MLLT6: variants seen among roughly 807,000 people sequenced by gnomAD.
The protein encoded by MLLT6 is protein AF-17.
MLLT6 carries 22 observed loss-of-function variants against 103.0 expected under a neutral mutation model. The ratio of observed to expected loss-of-function variants is 0.21; its 90% CI spans 0.15 to 0.31. The LOEUF (loss-of-function observed/expected upper bound fraction) is 0.31. Ranked by LOEUF, MLLT6 falls within the 10% of genes least tolerant of loss-of-function variation. MLLT6 has a pLI of 1.00. For synonymous variants in MLLT6, 606 were observed against 623.5 expected, an observed-to-expected ratio of 0.97 and a Z score of 0.42; for missense variants, 1,199 against 1,441.7, an observed-to-expected ratio of 0.83 and a Z score of 2.73.
At position 38,705,290 on chromosome 17, in the gene MLLT6, C is replaced by G. The variant is rs1007411058; in HGVS notation, c.-343C>G. Among the ~76,000 whole-genome samples the G allele has an allele frequency of 3.4e-5, 5 of 145,314 alleles. No individual in the cohort carries two copies. Among genetic ancestry groups the G allele is most frequent in the Admixed American group, 6.8e-5 (1 of 14,758 alleles). ...CGCGATGTGCCACTCGGCGCCTCCC[C>G]CGCCGGGCTCGGGCTACGCGGCGGC... On this transcript the variant is annotated 5_prime_UTR_variant, in exon 1 of 20. Transcript: ENST00000621332.
rs746540435 is a variant in MLLT6, at chr17:38,715,878, C to T, written c.1036+50C>T. 6.7e-6 allele frequency: 10 copies of T among 1,493,270 alleles called. No homozygotes were observed. In the African/African-American group the frequency reaches 1.4e-4, roughly 21 times the overall value. 92.5% of individuals were successfully genotyped at this position (1,493,270 alleles called of 1,614,324 possible). ...GCTGGGAGCAGGGAAAGCCTTTTGT[C>T]CTGAGCTTTTCTGGCAAGGGACTTT... On this transcript the variant is annotated intron_variant, in intron 9 of 19. Coordinates refer to ENST00000621332, the MANE Select transcript of MLLT6 (RefSeq NM_005937.4).
chr17:38,707,306 T>C (rs1170163197), intron 2 of MLLT6, among the ~76,000 whole-genome samples, 180 bp from the exon 3 acceptor site: 1 of 152,216 alleles, frequency 6.6e-6, no homozygotes, highest in Non-Finnish European at 1.5e-5. Flanking sequence ...AAAACTATAA[T>C]GAATCTCATG....
In MLLT6 at chr17:38,729,276, G is replaced by T; in HGVS notation, c.*3678G>T. The T allele has an allele frequency of 4.3e-6, 1 of 233,258 alleles. No individual in the cohort carries two copies. The highest frequency in any genetic ancestry group is 8.5e-6 in the Non-Finnish European group (1 of 118,054). 14.4% of individuals were successfully genotyped at this position (233,258 alleles called of 1,614,324 possible). On this transcript the variant is annotated 3_prime_UTR_variant, in exon 20 of 20. Coordinates refer to ENST00000621332, the MANE Select transcript of MLLT6 (RefSeq NM_005937.4). ...TCTCAACTTATTTTCCTGGGGAGAG[G>T]TGCCTAGAGGGATTGAGGTAACTTC... is the stretch of plus-strand genomic sequence containing the variant.
In MLLT6 at chr17:38,719,736, C is replaced by T; in HGVS notation, c.2010-14C>T. The T allele has an allele frequency of 6.2e-7, 1 of 1,603,478 alleles. No individual in the cohort carries two copies. Among genetic ancestry groups the T allele is most frequent in the South Asian group, 1.1e-5 (1 of 90,438 alleles). Reference sequence around the variant, plus strand: ...TGGTCGGGTCGACTGAACCCAGGTTCCCTCTGGCCGCAGGTCCCCCATCAG... The same window carrying T: ...TGGTCGGGTCGACTGAACCCAGGTTTCCTCTGGCCGCAGGTCCCCCATCAG... On this transcript the variant is annotated splice_polypyrimidine_tract_variant and intron_variant, in intron 13 of 19. Transcript: ENST00000621332.
chr17:38,705,309 C>T lies in MLLT6; in HGVS notation c.-324C>T, dbSNP rs1383274346. Among the ~76,000 whole-genome samples the T allele has an allele frequency of 6.9e-5, 10 of 145,060 alleles. No homozygotes were observed. Among genetic ancestry groups the T allele is most frequent in the Non-Finnish European group, 1.2e-4 (8 of 65,590 alleles). On this transcript the variant is annotated 5_prime_UTR_variant, in exon 1 of 20. Transcript: ENST00000621332. The stretch of plus-strand genomic sequence containing the variant: ...CCTCCCCCGCCGGGCTCGGGCTACG[C>T]GGCGGCGGGGCGGCCCTAGGAGCCG...
rs1489821246 is a variant in MLLT6, at chr17:38,705,760, G to A, written c.109+19G>A. The A allele has an allele frequency of 1.5e-6, 2 of 1,295,450 alleles. No individual in the cohort carries two copies. Among genetic ancestry groups the A allele is most frequent in the South Asian group, 2.3e-5 (1 of 43,090 alleles). The allele number at this position is 1,295,450 out of a possible 1,614,324, so 80.2% of individuals were successfully genotyped here. On this transcript the variant is annotated intron_variant, in intron 1 of 19. Transcript: ENST00000621332. ...CACCAAGGTACGGGGGTGGCCCGCG[G>A]GGGGCGGCGGGACCCCGGGGGCGGC...
rs1390453938 is a variant in MLLT6 at position 38,728,923 on chromosome 17, T to G, written c.*3325T>G. 3 of 233,796 alleles carry G rather than the reference T, an allele frequency of 1.3e-5. No individual in the cohort carries two copies. In the Admixed American group the frequency reaches 1.7e-4, roughly 13 times the overall value. 14.5% of individuals were successfully genotyped at this position (233,796 alleles called of 1,614,324 possible). ...TGTCTTGGTTTGTTTTTCCTATTTG[T>G]GGGGTATTTTCCCCCTCAGGCTCCT... On this transcript the variant is annotated 3_prime_UTR_variant, in exon 20 of 20. Coordinates refer to ENST00000621332, the MANE Select transcript of MLLT6 (RefSeq NM_005937.4).
rs1906155423 is a variant in MLLT6 at position 38,728,512 on chromosome 17, C to T, written c.*2914C>T. On this transcript the variant is annotated 3_prime_UTR_variant, in exon 20 of 20. Transcript: ENST00000621332. ...GGTGAGCATGTGGAGTTGGGTGTTC[C>T]CACCCTCAGTGAGGAGGTGTGAGTG... 1.3e-5 allele frequency: 3 copies of T among 233,496 alleles called. No individual in the cohort carries two copies. The East Asian group carries it at 1.8e-4, about 14-fold the overall frequency. The allele number at this position is 233,496 out of a possible 1,614,324, so 14.5% of individuals were successfully genotyped here.
chr17:38,721,033 G>T (rs979717377), intron 16 of MLLT6: 9 of 526,744 alleles, frequency 1.7e-5, no homozygotes, highest in African/African-American at 1.5e-4. Context: ...TTAGTGTGGA[G>T]AGAAATTGAG....
chr17:38,715,761 T>G lies in MLLT6; in HGVS notation c.969T>G (p.Ser323Arg), dbSNP rs1419494111. ...TGAGCAGTGGGAAAGGTGTGAGCAG[T>G]TTTACCTCCGCCTCCTCTTCTTCCT... is the stretch of plus-strand genomic sequence containing the variant. ...KKLSSGKGVS[S>R]FTSASSSSSS... is the part of the protein sequence containing the mutation. Residue 323 changes from serine to arginine, a missense_variant, in exon 9 of 20, where the codon AGT becomes AGG. This residue lies in a region of MLLT6 where 1,034 missense variants were observed against 1,091.5 expected (regional missense o/e 0.95). Coordinates refer to ENST00000621332, the MANE Select transcript of MLLT6 (RefSeq NM_005937.4). 6.2e-7 allele frequency: 1 copy of G among 1,613,682 alleles called. No individual in the cohort carries two copies. The highest frequency in any genetic ancestry group is 8.5e-7 in the Non-Finnish European group (1 of 1,179,884).
chr17:38,711,870 G>C lies in MLLT6; in HGVS notation c.576G>C (p.Gly192=), dbSNP rs200178596. 6.3e-7 allele frequency: 1 copy of C among 1,587,934 alleles called. No individual in the cohort carries two copies. The highest frequency in any genetic ancestry group is 1.3e-5 in the African/African-American group (1 of 74,208). ...SKMKTSRHSS[G]GGGGGAGGGG... ...AGAAGACATCCCGGCACAGCAGCGG[G>C]GGAGGCGGAGGAGGCGCTGGAGGAG... Residue 192 remains glycine (G), a synonymous_variant, in exon 7 of 20, where the codon GGG becomes GGC. Transcript: ENST00000621332.
At chr17:38,713,062 T>C (rs1905198901) in intron 8 of MLLT6, 1 of 771,494 alleles carries the variant, frequency 1.3e-6, no homozygotes, top group Non-Finnish European at 2.4e-6. Flanking sequence ...CCTGGGCTCT[T>C]GTCTGCAGAG....
rs558938356 is a variant in MLLT6, at chr17:38,725,811, T to C, written c.*213T>C. 2.2e-3 allele frequency: 1,148 copies of C among 514,686 alleles called. 2 individuals carry two copies. The highest frequency in any genetic ancestry group is 3.5e-3 in the Non-Finnish European group (1,039 of 296,812). The allele number at this position is 514,686 out of a possible 1,614,324, so 31.9% of individuals were successfully genotyped here. A position where few individuals can be genotyped will look rare whatever the true frequency, so the allele number is the denominator to read the frequency against. ...CTGGCCCCCTTCCCTTTCCGCACTG[T>C]CCGCTTTGTGAGGCTCAGAGGAAGG... On this transcript the variant is annotated 3_prime_UTR_variant, in exon 20 of 20. Transcript: ENST00000621332.
rs1384094821 is a variant in MLLT6, at chr17:38,716,010, C to T, written c.1036+182C>T. 1.6e-6 allele frequency: 1 copy of T among 642,638 alleles called. No homozygotes were observed. The highest frequency in any genetic ancestry group is 2.7e-6 in the Non-Finnish European group (1 of 373,590). 39.8% of individuals were successfully genotyped at this position (642,638 alleles called of 1,614,324 possible). ...CAAACCCTTCCTTCTTGAACCAGAA[C>T]TCTCCTCTCCCCTTCAGGGGCCACC... On this transcript the variant is annotated intron_variant, in intron 9 of 19. Coordinates refer to ENST00000621332, the MANE Select transcript of MLLT6 (RefSeq NM_005937.4). The surrounding 1 kb of genome is among the most constrained non-coding windows in gnomAD (Gnocchi z 5.6).
intron 1 of MLLT6, 62 bp downstream of exon 1, chr17:38,705,803 G>A (rs1420505278): frequency 2.8e-6 from 2 of 704,612 alleles, no homozygotes; most frequent in East Asian, 4.1e-5. Context: ...GGGCGCCCCC[G>A]GCCGCGCCCT....
chr17:38,717,368 C>A (rs986527239), intron 10 of MLLT6, 64 bp from the exon 11 acceptor site: 64 of 1,365,708 alleles, frequency 4.7e-5, no homozygotes, highest in Middle Eastern at 1.9e-4. Flanking sequence ...TGTCAGCCAC[C>A]TGGCTGAGCA....
At position 38,720,479 on chromosome 17, in the gene MLLT6, G is replaced by T. The variant is rs140079089; in HGVS notation, c.2263G>T (p.Val755Leu). The T allele has an allele frequency of 6.2e-7, 1 of 1,612,774 alleles. No homozygotes were observed. Among genetic ancestry groups the T allele is most frequent in the Non-Finnish European group, 8.5e-7 (1 of 1,179,940 alleles). Residue 755 changes from valine (V) to leucine (L), a missense_variant, in exon 15 of 20, where the codon GTG becomes TTG. Coordinates refer to ENST00000621332, the MANE Select transcript of MLLT6 (RefSeq NM_005937.4). ...AKKERLQILN[V>L]QLSVPFPALP... ...AAAGGAGCGGCTGCAGATTCTCAAC[G>T]TGCAGCTCTCTGTGCCCTTCCCTGC...
intron 10 of MLLT6, 86 bp from the exon 11 acceptor site, chr17:38,717,346 C>A: frequency 9.0e-7 from 1 of 1,105,270 alleles, no homozygotes; most frequent in Non-Finnish European, 1.3e-6. Context: ...AGCACTCGAG[C>A]TGGGGAGGGG....
Position 38,709,673 on chromosome 17 carries a change from G to A in MLLT6, c.552+98G>A. 3.3e-6 allele frequency: 3 copies of A among 895,668 alleles called. No homozygotes were observed. Among genetic ancestry groups the A allele is most frequent in the Non-Finnish European group, 5.4e-6 (3 of 552,496 alleles). The allele number at this position is 895,668 out of a possible 1,614,324, so 55.5% of individuals were successfully genotyped here. A position where few individuals can be genotyped will look rare whatever the true frequency, so the allele number is the denominator to read the frequency against. ...GCCAGGCCAGTGCCTGGTGCTAGGA[G>A]GACAGAGAGGGAAAAAACCCAGTCC... On this transcript the variant is annotated intron_variant, in intron 6 of 19. Transcript: ENST00000621332. This position sits in a 1 kb window ranked among gnomAD's most constrained non-coding sequence, Gnocchi z 4.3.
Sources: allele counts gnomAD v4.1 joint callset (sites outside exome capture counted in the v4.1 genomes callset), GRCh38; gene constraint gnomAD v4.1.1; regional missense constraint gnomAD v4.1.1; non-coding constraint Gnocchi (gnomAD v3.1); transcripts MANE v1.5; gene names NCBI Gene and HGNC (gene_info 2026-07-23, HGNC 2026-07-21).